Variants in PIP4K2B observed in about 807,000 individuals in gnomAD.
PIP4K2B encodes phosphatidylinositol 5-phosphate 4-kinase type-2 beta.
In PIP4K2B, 3 loss-of-function variants were observed where a neutral mutation model predicts 42.0. The ratio of observed to expected loss-of-function variants is 0.07; its 90% CI spans 0.03 to 0.18. The LOEUF (loss-of-function observed/expected upper bound fraction) is 0.18, where lower values mean the gene tolerates loss of function less well. Ranked by LOEUF, PIP4K2B falls within the 10% of genes least tolerant of loss-of-function variation. The probability of loss-of-function intolerance (pLI) is 1.00; values close to 1 mark genes in which losing one functional copy is unlikely to be tolerated. For missense variants in PIP4K2B, 332 were observed against 562.3 expected (o/e 0.59, Z 4.14); for synonymous variants, 204 against 210.1 (o/e 0.97, Z 0.25).
intron 7 of PIP4K2B, among the ~76,000 whole-genome samples, chr17:38,774,750 A>G (rs1909232888): frequency 6.6e-6 from 1 of 151,956 alleles, no homozygotes; most frequent in African/African-American, 2.4e-5. Flanking sequence ...AGCCTGGGTG[A>G]CAGAGCAAGA....
At chr17:38,788,897 G>C (rs535395780) in intron 1 of PIP4K2B, among the ~76,000 whole-genome samples, 1 of 151,790 alleles carries the variant, frequency 6.6e-6, no homozygotes, top group Non-Finnish European at 1.5e-5. Flanking sequence ...AAGGTATAGT[G>C]GGCCGAGATC....
Position 38,791,406 on chromosome 17 carries a change from A to ATTTTT in PIP4K2B, c.160-4491_160-4487dup, listed in dbSNP as rs58027566. Reference sequence around the variant, plus strand: ...TTTCCTAATCTGGCTCAGACTGCCAATTTTTTTTTTTTTTTTTTTTTTTTT... The same window carrying ATTTTT: ...TTTCCTAATCTGGCTCAGACTGCCAATTTTTTTTTTTTTTTTTTTTTTTTTTTTTT... On this transcript the variant is annotated intron_variant, in intron 1 of 9. Coordinates refer to ENST00000619039, the MANE Select transcript of PIP4K2B (RefSeq NM_003559.5). Among the ~76,000 whole-genome samples, 48 of 91,150 alleles carry ATTTTT rather than the reference A, an allele frequency of 5.3e-4. 1 individual carries two copies. Among genetic ancestry groups the ATTTTT allele is most frequent in the East Asian group, 8.0e-4 (2 of 2,488 alleles). 59.8% of individuals were successfully genotyped at this position (91,150 alleles called of 152,430 possible). A position where few individuals can be genotyped will look rare whatever the true frequency, so the allele number is the denominator to read the frequency against.
At chr17:38,774,047 G>A (rs958292795) in intron 7 of PIP4K2B, among the ~76,000 whole-genome samples, 25 of 152,192 alleles carry the variant, frequency 1.6e-4, no homozygotes, top group Non-Finnish European at 5.9e-5. Context: ...CTAAGGAAAC[G>A]CTTCCTAGCA....
intron 6 of PIP4K2B, among the ~76,000 whole-genome samples, chr17:38,778,008 A>G (rs1322624265): frequency 6.6e-6 from 1 of 152,200 alleles, no homozygotes; most frequent in Non-Finnish European, 1.5e-5. Context: ...ATGAGGAATG[A>G]CTAAAGGATT....
At chr17:38,781,033 C>A (rs969153364) in intron 3 of PIP4K2B, among the ~76,000 whole-genome samples, 1 of 152,168 alleles carries the variant, frequency 6.6e-6, no homozygotes, top group South Asian at 2.1e-4. Flanking sequence ...TGAGCTGATT[C>A]TCCCAGTCTC....
intron 7 of PIP4K2B, among the ~76,000 whole-genome samples, 160 bp from the exon 8 acceptor site, chr17:38,771,432 G>A (rs895641050): frequency 9.4e-5 from 2 of 21,336 alleles, no homozygotes; most frequent in Non-Finnish European, 1.5e-4. Flanking sequence ...GCCCTCGCGA[G>A]CTCTCTCTAA....
At position 38,768,209 on chromosome 17, in the gene PIP4K2B, GAGA is replaced by G. The variant is rs1908807314; in HGVS notation, c.*1479_*1481del. 6.6e-6 allele frequency: 1 copy of G among 152,308 alleles called. No individual in the cohort carries two copies. Among genetic ancestry groups the G allele is most frequent in the African/African-American group, 2.4e-5 (1 of 41,482 alleles). The allele number at this position is 152,308 out of a possible 1,614,324, so 9.4% of individuals were successfully genotyped here. A position where few individuals can be genotyped will look rare whatever the true frequency, so the allele number is the denominator to read the frequency against. ...ATCCCCAGTTCCTGGTTGAGGGGGT[GAGA>G]AGATGCAGGAATGTACCTCCCCCAA... On this transcript the variant is annotated 3_prime_UTR_variant, in exon 10 of 10. Transcript: ENST00000619039.
chr17:38,783,683 C>G (rs1027018299), intron 3 of PIP4K2B, among the ~76,000 whole-genome samples: 1 of 152,074 alleles, frequency 6.6e-6, no homozygotes, highest in African/African-American at 2.4e-5. Flanking sequence ...TCGCTGCAAC[C>G]TCCGCCTCCC....
chr17:38,780,354 A>G (rs1462953668), intron 4 of PIP4K2B, 98 bp downstream of exon 4: 1 of 1,003,698 alleles, frequency 1.0e-6, no homozygotes, highest in East Asian at 2.6e-5. Context: ...AGCTGCCATT[A>G]CCAGAGAGGA....
intron 1 of PIP4K2B, among the ~76,000 whole-genome samples, chr17:38,794,172 T>C (rs1056457601): frequency 1.3e-5 from 2 of 152,204 alleles, no homozygotes; most frequent in Non-Finnish European, 2.9e-5. Context: ...GAAATTCTGC[T>C]ATGTGCAACA....
intron 3 of PIP4K2B, 37 bp from the exon 4 acceptor site, chr17:38,780,641 G>A (rs777221144): frequency 2.5e-5 from 40 of 1,594,872 alleles, no homozygotes; most frequent in Non-Finnish European, 3.3e-5. Context: ...GGCTTGGCAG[G>A]GGAACAGAAT....
chr17:38,774,560 A>C (rs1909214327), intron 7 of PIP4K2B, among the ~76,000 whole-genome samples: 1 of 152,104 alleles, frequency 6.6e-6, no homozygotes, highest in Non-Finnish European at 1.5e-5. Flanking sequence ...TGAGGTCAGG[A>C]GATCAAGACC....
In PIP4K2B at chr17:38,771,350, A is replaced by G; in HGVS notation, c.808-78T>C. 2.7e-6 allele frequency: 4 copies of G among 1,507,646 alleles called. 1 individual carries two copies. The highest frequency in any genetic ancestry group is 2.3e-5 in the South Asian group (2 of 86,146). The allele number at this position is 1,507,646 out of a possible 1,614,324, so 93.4% of individuals were successfully genotyped here. On this transcript the variant is annotated intron_variant, in intron 7 of 9. Transcript: ENST00000619039. The stretch of plus-strand genomic sequence containing the variant: ...TCCCAGTGACATCCAGAAAGGGGGG[A>G]AAGGCATTCCTTTCAACTCAATTCT...
chr17:38,782,214 C>CAA (rs988816715), intron 3 of PIP4K2B, among the ~76,000 whole-genome samples: 1 of 152,244 alleles, frequency 6.6e-6, no homozygotes, highest in Non-Finnish European at 1.5e-5. Flanking sequence ...TACCATAAGA[C>CAA]TTACAGGCTG....
chr17:38,793,524 G>A (rs1003500077), intron 1 of PIP4K2B, among the ~76,000 whole-genome samples: 4 of 152,132 alleles, frequency 2.6e-5, no homozygotes, highest in South Asian at 2.1e-4. Context: ...GATTACAGGC[G>A]TGAGCCACCA....
intron 7 of PIP4K2B, among the ~76,000 whole-genome samples, 157 bp from the exon 8 acceptor site, chr17:38,771,429 C>T (rs1056858754): frequency 1.8e-4 from 4 of 21,958 alleles, no homozygotes; most frequent in East Asian, 0.077. Context: ...CCCGCCCTCG[C>T]GAGCTCTCTC....
chr17:38,778,105 C>T (rs539850559), intron 6 of PIP4K2B, among the ~76,000 whole-genome samples: 3 of 152,190 alleles, frequency 2.0e-5, no homozygotes, highest in Non-Finnish European at 2.9e-5. Flanking sequence ...GTCTGCCATC[C>T]CAGCAGGACT....
At position 38,767,030 on chromosome 17, in the gene PIP4K2B, C is replaced by T. The variant is rs1015536688; in HGVS notation, c.*2661G>A. ...CCTGGCCTCGCCTAATCAGCCATGT[C>T]GTTATTCTTACACCTTTCTTCTTGG... On this transcript the variant is annotated 3_prime_UTR_variant, in exon 10 of 10. Coordinates refer to ENST00000619039, the MANE Select transcript of PIP4K2B (RefSeq NM_003559.5). The T allele has an allele frequency of 1.2e-4, 19 of 152,234 alleles. No homozygotes were observed. Among genetic ancestry groups the T allele is most frequent in the Admixed American group, 3.9e-4 (6 of 15,282 alleles). 9.4% of individuals were successfully genotyped at this position (152,234 alleles called of 1,614,324 possible).
In PIP4K2B at chr17:38,767,788, C is replaced by T. The variant is rs1908780906; in HGVS notation, c.*1903G>A. On this transcript the variant is annotated 3_prime_UTR_variant, in exon 10 of 10. Coordinates refer to ENST00000619039, the MANE Select transcript of PIP4K2B (RefSeq NM_003559.5). Reference sequence around the variant, plus strand: ...GGGGAAATCAAGTCCAAACATTATTCCTACATAATCCCTTTCCCAAGTCAA... The same window carrying T: ...GGGGAAATCAAGTCCAAACATTATTTCTACATAATCCCTTTCCCAAGTCAA... The T allele has an allele frequency of 6.6e-6, 1 of 152,198 alleles. No individual in the cohort carries two copies. The highest frequency in any genetic ancestry group is 2.1e-4 in the South Asian group (1 of 4,830). The allele number at this position is 152,198 out of a possible 1,614,324, so 9.4% of individuals were successfully genotyped here. A position where few individuals can be genotyped will look rare whatever the true frequency, so the allele number is the denominator to read the frequency against.
Sources: gnomAD v4.1 joint callset for allele counts (sites outside exome capture counted in the v4.1 genomes callset) on GRCh38, gnomAD v4.1.1 for gene constraint, MANE v1.5 for transcripts, NCBI Gene and HGNC (gene_info 2026-07-23, HGNC 2026-07-21) for gene names.